Variants in CTPS2 observed in about 807,000 individuals in gnomAD.
CTPS2 encodes the protein CTP synthase 2.
A neutral mutation model predicts 46.8 loss-of-function variants in CTPS2; 19 were observed. That is an observed-to-expected ratio of 0.41 (90% CI 0.28 to 0.60). The LOEUF (loss-of-function observed/expected upper bound fraction) is 0.60. CTPS2 is among the 20% of genes least tolerant of loss of function. The pLI is 0.35. For synonymous variants in CTPS2, 151 were observed against 165.2 expected (o/e 0.91, Z 0.66); for missense variants, 286 against 447.6 (o/e 0.64, Z 3.26).
At chrX:16,630,561 G>A (rs1469834533) in intron 14 of CTPS2, among the ~76,000 whole-genome samples, 2 of 110,318 alleles carry the variant, frequency 1.8e-5, no homozygotes, top group Non-Finnish European at 3.8e-5. Context: ...GCCCTGTGTT[G>A]TGTTGCATTC....
intron 17 of CTPS2, among the ~76,000 whole-genome samples, chrX:16,593,373 G>A (rs376372841): frequency 4.0e-5 from 4 of 100,825 alleles, no homozygotes; most frequent in Non-Finnish European, 7.9e-5. Context: ...AGCTTGCAAC[G>A]AGCCAAGATC....
intron 10 of CTPS2, among the ~76,000 whole-genome samples, chrX:16,676,150 G>A (rs1922252729): frequency 8.9e-6 from 1 of 112,012 alleles, no homozygotes. Context: ...TTTTGCAACA[G>A]GACACAATTG....
At chrX:16,697,426 A>C (rs1296581592) in intron 4 of CTPS2, among the ~76,000 whole-genome samples, 9 of 93,112 alleles carry the variant, frequency 9.7e-5, no homozygotes, top group African/African-American at 1.6e-4. Flanking sequence ...GCAAGTTCAA[A>C]TACGACTTTT....
At chrX:16,664,036 C>CCA (rs1933074092) in intron 13 of CTPS2, among the ~76,000 whole-genome samples, 1 of 111,384 alleles carries the variant, frequency 9.0e-6, no homozygotes, top group South Asian at 3.7e-4. Flanking sequence ...CAAAGTTTCA[C>CCA]CATGTTAGCC....
intron 14 of CTPS2, among the ~76,000 whole-genome samples, chrX:16,635,817 A>C (rs73448291): frequency 0.012 from 1,344 of 112,463 alleles, 27 homozygotes; most frequent in African/African-American, 0.041. Flanking sequence ...GTGCTGCACA[A>C]GTGGGAGGGC....
At chrX:16,702,343 C>T (rs542034303) in intron 2 of CTPS2, among the ~76,000 whole-genome samples, 26 of 112,344 alleles carry the variant, frequency 2.3e-4, no homozygotes, top group East Asian at 1.1e-3. Context: ...CATGAGCCAC[C>T]GCACTGGGCC....
intron 13 of CTPS2, among the ~76,000 whole-genome samples, chrX:16,661,617 G>A (rs1161046562): frequency 1.8e-5 from 2 of 112,061 alleles, no homozygotes; most frequent in Non-Finnish European, 3.8e-5. Flanking sequence ...TTTTAATTAT[G>A]TGACTGTTTC....
rs1924699263 is a variant in CTPS2, at chrX:16,703,004, T to C, written c.-39-63A>G. 8 of 714,750 alleles carry C rather than the reference T, an allele frequency of 1.1e-5. No homozygotes were observed. In the South Asian group the frequency reaches 2.2e-4, roughly 20 times the overall value. 58.9% of individuals were successfully genotyped at this position (714,750 alleles called of 1,213,427 possible). Reference sequence around the variant, plus strand: ...TATTTAAAACTAGTAAAGCAGACAGTGTATTCAACCAGAATTAATTTTTTT... The same window carrying C: ...TATTTAAAACTAGTAAAGCAGACAGCGTATTCAACCAGAATTAATTTTTTT... On this transcript the variant is annotated intron_variant, in intron 1 of 18. Transcript: ENST00000359276.
intron 10 of CTPS2, among the ~76,000 whole-genome samples, chrX:16,674,884 A>T (rs1023228468): frequency 2.7e-5 from 3 of 110,669 alleles, no homozygotes; most frequent in African/African-American, 9.9e-5. Flanking sequence ...GGCTAAAGTT[A>T]AAGGTGTATT....
chrX:16,686,913 A>AT (rs1923249966), intron 8 of CTPS2, among the ~76,000 whole-genome samples: 2 of 110,373 alleles, frequency 1.8e-5, no homozygotes, highest in South Asian at 3.9e-4. Flanking sequence ...CAAAAAAAAA[A>AT]AAATAAATAA....
chrX:16,680,379 C>A (rs1433699714), intron 9 of CTPS2, among the ~76,000 whole-genome samples: 3 of 108,017 alleles, frequency 2.8e-5, no homozygotes, highest in Non-Finnish European at 5.8e-5. Flanking sequence ...GCCAACATGA[C>A]AAAACCCTGT....
intron 17 of CTPS2, among the ~76,000 whole-genome samples, chrX:16,604,645 A>C (rs1929867878): frequency 9.0e-6 from 1 of 111,292 alleles, no homozygotes; most frequent in Non-Finnish European, 1.9e-5. Context: ...TGAGAAACAA[A>C]AAAAAAAAAA....
intron 14 of CTPS2, among the ~76,000 whole-genome samples, chrX:16,634,422 T>C (rs985319645): frequency 1.8e-5 from 2 of 111,611 alleles, no homozygotes; most frequent in African/African-American, 3.3e-5. Context: ...ACACTGTCAT[T>C]AGCCCTTTTA....
intron 17 of CTPS2, among the ~76,000 whole-genome samples, chrX:16,602,545 A>G (rs1929727738): frequency 1.8e-5 from 2 of 111,765 alleles, no homozygotes; most frequent in Admixed American, 1.9e-4. Context: ...CTGGGATAGA[A>G]TAAGCTTTAA....
chrX:16,706,118 G>GA (rs1487790361), intron 1 of CTPS2, among the ~76,000 whole-genome samples: 1 of 107,619 alleles, frequency 9.3e-6, no homozygotes, highest in Non-Finnish European at 1.9e-5. Context: ...AAAAAAGAAA[G>GA]AAAGAAAAGA....
intron 13 of CTPS2, among the ~76,000 whole-genome samples, chrX:16,656,554 T>C (rs1430938607): frequency 5.4e-5 from 6 of 110,185 alleles, no homozygotes; most frequent in East Asian, 5.8e-4. Context: ...GGACTACAGG[T>C]GCCCGCCACC....
chrX:16,682,616 T>C (rs967956459), intron 9 of CTPS2, among the ~76,000 whole-genome samples: 19 of 112,175 alleles, frequency 1.7e-4, no homozygotes, highest in African/African-American at 5.8e-4. Flanking sequence ...TTCCAAGAAC[T>C]GATAGGAGAA....
At chrX:16,698,901 T>C in intron 3 of CTPS2, 22 bp downstream of exon 3, 1 of 1,176,281 alleles carries the variant, frequency 8.5e-7, no homozygotes, top group Non-Finnish European at 1.1e-6. Flanking sequence ...CAGGGCTCCA[T>C]AATGTCTGTG....
rs60328217 is a variant in CTPS2 at position 16,623,792 on chromosome X, C to CTTTTTTTTT, written c.1394-3469_1394-3461dup. ...ATACCCAGCAGTCATCCCCTCAATT[C>CTTTTTTTTT]TTTTTTTTTTTTTTTTTTTTTTTTT... On this transcript the variant is annotated intron_variant, in intron 14 of 18. Transcript: ENST00000359276. Among the ~76,000 whole-genome samples the CTTTTTTTTT allele has an allele frequency of 6.9e-4, 15 of 21,686 alleles. 4 individuals are homozygous for CTTTTTTTTT. The highest frequency in any genetic ancestry group is 2.4e-3 in the African/African-American group (13 of 5,311). The allele number at this position is 21,686 out of a possible 115,157, so 18.8% of individuals were successfully genotyped here.
Sources: gnomAD v4.1 joint callset for allele counts (sites outside exome capture counted in the v4.1 genomes callset) on GRCh38, gnomAD v4.1.1 for gene constraint, MANE v1.5 for transcripts, NCBI Gene and HGNC (gene_info 2026-07-23, HGNC 2026-07-21) for gene names.